Variants in MYO9A observed in about 807,000 individuals in gnomAD.
MYO9A encodes the protein myosin IXA.
MYO9A carries 103 observed loss-of-function variants against 293.3 expected under a neutral mutation model. The observed-to-expected ratio is 0.35, with a 90% CI of 0.30 to 0.41. The LOEUF is 0.41. MYO9A is among the 10% of genes least tolerant of loss of function. MYO9A has a pLI of 1.00. For synonymous variants in MYO9A, 1,001 were observed against 1,035.7 expected (o/e 0.97, Z 0.64); for missense variants, 2,685 against 3,033.0 (o/e 0.89, Z 2.69).
intron 12 of MYO9A, among the ~76,000 whole-genome samples, chr15:71,973,367 C>T (rs1247483649): frequency 6.6e-6 from 1 of 152,070 alleles, no homozygotes; most frequent in Non-Finnish European, 1.5e-5. Flanking sequence ...TCATTAGCTT[C>T]CTAAAGAACC....
In MYO9A at chr15:71,954,888, G is replaced by A. The variant is rs540618945; in HGVS notation, c.2183-2992C>T. 2.0e-5 allele frequency among the ~76,000 whole-genome samples: 3 copies of A among 152,284 alleles called. No individual in the cohort carries two copies. The South Asian group carries it at 6.2e-4, about 32-fold the overall frequency. ...TTGGCCCTATAAAAGTTTCTGTAAT[G>A]TCAATTCAAAGGCCTTAAGGCCATT... On this transcript the variant is annotated intron_variant, in intron 14 of 41. Coordinates refer to ENST00000356056, the MANE Select transcript of MYO9A (RefSeq NM_006901.4).
At chr15:71,908,037 G>A (rs1264660869) in intron 19 of MYO9A, among the ~76,000 whole-genome samples, 1 of 152,110 alleles carries the variant, frequency 6.6e-6, no homozygotes, top group Non-Finnish European at 1.5e-5. Flanking sequence ...TGTCCTGAAT[G>A]GTAATGCCTA....
intron 4 of MYO9A, among the ~76,000 whole-genome samples, chr15:72,022,989 T>C (rs1287158623): frequency 1.3e-5 from 2 of 152,238 alleles, no homozygotes; most frequent in East Asian, 3.8e-4. Flanking sequence ...ACTTACAAGA[T>C]TTTAATCAGC....
intron 39 of MYO9A, among the ~76,000 whole-genome samples, chr15:71,835,674 G>C (rs999131287): frequency 6.6e-6 from 1 of 152,180 alleles, no homozygotes; most frequent in African/African-American, 2.4e-5. Context: ...GGAAAAATCA[G>C]TATCGTAAAA....
At chr15:71,917,489 T>C (rs1287471) in intron 18 of MYO9A, among the ~76,000 whole-genome samples, 150,384 of 152,304 alleles carry the variant, frequency 0.99, 74,283 homozygotes, top group Middle Eastern at 1. Context: ...GAGCCAAGAT[T>C]GAGCCACTGC....
At chr15:72,114,497 C>T (rs2080896274) in intron 1 of MYO9A, 2 of 152,226 alleles carry the variant, frequency 1.3e-5, no homozygotes. Flanking sequence ...GGGCAATTCC[C>T]AGGTTCCTGA....
At chr15:72,036,701 G>C (rs2078058508) in intron 2 of MYO9A, 1 of 151,980 alleles carries the variant, frequency 6.6e-6, no homozygotes, top group Non-Finnish European at 1.5e-5. Context: ...TACTCTTTTT[G>C]TGTGTATGTA....
At chr15:71,915,157 A>ATT (rs200674625) in intron 19 of MYO9A, among the ~76,000 whole-genome samples, 4 of 151,470 alleles carry the variant, frequency 2.6e-5, no homozygotes, top group Admixed American at 2.6e-4. Context: ...ACTCAACATG[A>ATT]TTTTTTTTTC....
chr15:71,943,246 T>C (rs949347609), intron 15 of MYO9A, among the ~76,000 whole-genome samples: 3 of 152,096 alleles, frequency 2.0e-5, no homozygotes, highest in Non-Finnish European at 4.4e-5. Flanking sequence ...TTGTTATTAC[T>C]GTGGTTGTCC....
chr15:71,963,916 G>A (rs943570374), intron 13 of MYO9A, among the ~76,000 whole-genome samples: 7 of 152,300 alleles, frequency 4.6e-5, no homozygotes, highest in African/African-American at 1.7e-4. Flanking sequence ...ATGTGGGCCT[G>A]GGATTTCCTC....
At chr15:72,040,942 T>TA (rs1341704613) in intron 2 of MYO9A, among the ~76,000 whole-genome samples, 3 of 152,132 alleles carry the variant, frequency 2.0e-5, no homozygotes, top group Admixed American at 6.5e-5. Flanking sequence ...AAGAATGATC[T>TA]AAAATCAATG....
intron 1 of MYO9A, among the ~76,000 whole-genome samples, chr15:72,091,122 C>G (rs1043449573): frequency 6.6e-6 from 1 of 151,882 alleles, no homozygotes; most frequent in Non-Finnish European, 1.5e-5. Flanking sequence ...TCACTGGACC[C>G]CAGGAGTTCA....
At chr15:71,994,825 T>C (rs894201654) in intron 9 of MYO9A, among the ~76,000 whole-genome samples, 15 of 152,232 alleles carry the variant, frequency 9.9e-5, no homozygotes, top group Non-Finnish European at 1.9e-4. Flanking sequence ...CTCCGTCTCC[T>C]GGGTTCAAGT....
chr15:71,998,834 T>C lies in MYO9A; in HGVS notation c.1470+1017A>G, dbSNP rs542659206. 4.4e-4 allele frequency among the ~76,000 whole-genome samples: 67 copies of C among 152,186 alleles called. 2 individuals are homozygous for C. In the South Asian group the frequency reaches 0.014, roughly 32 times the overall value. ...ATGAGTGAGAACGTGCGGTGTTCGG[T>C]TTTTTGTCCTTGCGATAGTTTACTG... On this transcript the variant is annotated intron_variant, in intron 9 of 41. Transcript: ENST00000356056.
chr15:71,934,277 G>A (rs2058564464), intron 17 of MYO9A, among the ~76,000 whole-genome samples: 1 of 152,114 alleles, frequency 6.6e-6, no homozygotes. Flanking sequence ...GGGCTGGGAA[G>A]TTAGAAAGAC....
At chr15:71,950,201 G>A (rs926054844) in intron 15 of MYO9A, 3 of 151,668 alleles carry the variant, frequency 2.0e-5, no homozygotes, top group African/African-American at 7.3e-5. Context: ...TTAGTATATT[G>A]CTAATACTAT....
intron 37 of MYO9A, 92 bp downstream of exon 37, chr15:71,851,161 C>A: frequency 4.2e-6 from 4 of 954,920 alleles, no homozygotes. Context: ...AAAATAAATA[C>A]CTGTCAGTCT....
At chr15:71,852,057 T>G (rs1484197118) in intron 36 of MYO9A, 75 bp downstream of exon 36, 1 of 1,440,888 alleles carries the variant, frequency 6.9e-7, no homozygotes, top group East Asian at 2.3e-5. Flanking sequence ...GAGGATGGCT[T>G]GATAATCTAT....
At chr15:72,090,984 AT>A (rs1473818638) in intron 1 of MYO9A, among the ~76,000 whole-genome samples, 2 of 147,538 alleles carry the variant, frequency 1.4e-5, no homozygotes, top group Non-Finnish European at 3.0e-5. Context: ...CAAAAAAAAA[AT>A]AAATAAATAA....
Sources: gnomAD v4.1 joint callset for allele counts (sites outside exome capture counted in the v4.1 genomes callset) on GRCh38, gnomAD v4.1.1 for gene constraint, MANE v1.5 for transcripts, NCBI Gene and HGNC (gene_info 2026-07-23, HGNC 2026-07-21) for gene names.